NRP2: variants seen among roughly 807,000 people sequenced by gnomAD.
The protein encoded by NRP2 is neuropilin 2.
Under a neutral mutation model 110.4 loss-of-function variants are expected in NRP2, and 52 were observed. The ratio of observed to expected loss-of-function variants is 0.47; its 90% CI spans 0.38 to 0.59. The LOEUF is 0.59. NRP2 is among the 20% of genes least tolerant of loss of function. The pLI, the probability that NRP2 is intolerant of heterozygous loss-of-function variation, is 0.00. For missense variants in NRP2, 1,049 were observed against 1,203.0 expected, an observed-to-expected ratio of 0.87 and a Z score of 1.89; for synonymous variants, 508 against 468.9, an observed-to-expected ratio of 1.08 and a Z score of -1.08.
intron 1 of NRP2, among the ~76,000 whole-genome samples, chr2:205,692,552 C>T (rs772832536): frequency 1.3e-5 from 2 of 152,162 alleles, no homozygotes; most frequent in Non-Finnish European, 2.9e-5. Flanking sequence ...CTGTTGTTGA[C>T]ATGCTCACAC....
In NRP2 at chr2:205,727,941, G is replaced by T; in HGVS notation, c.1041G>T (p.Ala347=). The change falls in exon 7 of 17, where the codon GCG becomes GCT. Residue 347 remains alanine, a synonymous_variant. Coordinates refer to ENST00000357785, the MANE Select transcript of NRP2 (RefSeq NM_003872.3). ...TMLTAIATQG[A]ISRETQNGYY... is the part of the protein sequence containing the mutation. ...TCACGGCCATCGCAACACAGGGAGC[G>T]ATTTCCAGGGAAACACAGAATGGCT... The T allele has an allele frequency of 1.2e-6, 2 of 1,614,102 alleles. No homozygotes were observed. The highest frequency in any genetic ancestry group is 1.1e-5 in the South Asian group (1 of 91,046).
At position 205,697,028 on chromosome 2, in the gene NRP2, T is replaced by C. The variant is rs75221651; in HGVS notation, c.74-516T>C. On this transcript the variant is annotated intron_variant, in intron 1 of 16. Transcript: ENST00000357785. Reference sequence around the variant, plus strand: ...GAAAGTGCTTCCTCTGCACCACATGTAATTGTTACCAGGCTCGCTTGTGGG... The same window carrying C: ...GAAAGTGCTTCCTCTGCACCACATGCAATTGTTACCAGGCTCGCTTGTGGG... 1.0e-3 allele frequency among the ~76,000 whole-genome samples: 157 copies of C among 152,300 alleles called. 2 individuals are homozygous for C. The East Asian group carries it at 0.028, about 27-fold the overall frequency.
At chr2:205,774,430 G>A (rs1458866763) in intron 15 of NRP2, among the ~76,000 whole-genome samples, 1 of 152,122 alleles carries the variant, frequency 6.6e-6, no homozygotes, top group Non-Finnish European at 1.5e-5. Flanking sequence ...GGACATTCAG[G>A]GGATCCTGGG....
At position 205,794,890 on chromosome 2, in the gene NRP2, C is replaced by A. The variant is rs780371148; in HGVS notation, c.2613C>A (p.Gly871=). The change falls in exon 17 of 17, where the codon GGC becomes GGA. Residue 871 remains glycine (G), a synonymous_variant. Transcript: ENST00000357785. ...CCATCATCGCCATGAGCTCACTGGG[C>A]GTCCTCCTGGGGGCCACCTGTGCAG... The part of the protein sequence containing the change: ...LITIIAMSSL[G]VLLGATCAGL... 14 of 1,614,042 alleles carry A rather than the reference C, an allele frequency of 8.7e-6. No homozygotes were observed. The highest frequency in any genetic ancestry group is 1.2e-5 in the Non-Finnish European group (14 of 1,180,022).
chr2:205,759,915 T>C (rs1369824834), intron 12 of NRP2, among the ~76,000 whole-genome samples: 2 of 152,192 alleles, frequency 1.3e-5, no homozygotes, highest in Non-Finnish European at 2.9e-5. Context: ...AAGACTGTCT[T>C]TGTATCCATT....
chr2:205,745,995 G>T, intron 10 of NRP2, 105 bp downstream of exon 10: 16 of 1,290,648 alleles, frequency 1.2e-5, no homozygotes, highest in Non-Finnish European at 1.8e-5. Context: ...CATCCCAGGA[G>T]CTGGAAATGC....
rs111632855 is a variant in NRP2 at position 205,741,949 on chromosome 2, C to A, written c.1292-1254C>A. 2.9e-3 allele frequency among the ~76,000 whole-genome samples: 439 copies of A among 152,318 alleles called. 5 individuals are homozygous for A. Among genetic ancestry groups the A allele is most frequent in the African/African-American group, 1.0e-2 (415 of 41,556 alleles). ...GAGGTGACAGAGCCAGGATCTGAAC[C>A]CACGTTTTCTCAATTCAAATTCTCT... On this transcript the variant is annotated intron_variant, in intron 8 of 16. Coordinates refer to ENST00000357785, the MANE Select transcript of NRP2 (RefSeq NM_003872.3).
Position 205,716,339 on chromosome 2 carries a change from C to G in NRP2, c.398C>G (p.Ala133Gly). 1 of 1,614,112 alleles carries G rather than the reference C, an allele frequency of 6.2e-7. No homozygotes were observed. The highest frequency in any genetic ancestry group is 1.3e-5 in the African/African-American group (1 of 75,026). Residue 133 changes from alanine to glycine, a missense_variant, in exon 3 of 17, where the codon GCA (alanine) becomes GGA (glycine). Physicochemically the swap from Ala to Gly is moderately conservative, Grantham distance 60. Coordinates refer to ENST00000357785, the MANE Select transcript of NRP2 (RefSeq NM_003872.3). Reference sequence around the variant, plus strand: ...ACCTCCGACTACGCCCGGCAGGGGGCAGGCTTCTCTCTGCGCTACGAGATC... The same window carrying G: ...ACCTCCGACTACGCCCGGCAGGGGGGAGGCTTCTCTCTGCGCTACGAGATC... ...KFTSDYARQGAGFSLRYEIFK... is the reference protein window; with the variant it reads ...KFTSDYARQGGGFSLRYEIFK...
chr2:205,735,948 C>A (rs551098384), intron 7 of NRP2, among the ~76,000 whole-genome samples: 1 of 152,302 alleles, frequency 6.6e-6, no homozygotes, highest in African/African-American at 2.4e-5. Flanking sequence ...ATAATTACAA[C>A]ATAATCAACA....
intron 3 of NRP2, among the ~76,000 whole-genome samples, chr2:205,717,116 C>A (rs544494817): frequency 1.4e-5 from 2 of 146,864 alleles, no homozygotes; most frequent in South Asian, 2.1e-4. Flanking sequence ...ATTCACAAGA[C>A]CCCGCTTCAT....
At chr2:205,775,366 G>T (rs548540310) in intron 15 of NRP2, among the ~76,000 whole-genome samples, 1 of 152,182 alleles carries the variant, frequency 6.6e-6, no homozygotes, top group Non-Finnish European at 1.5e-5. Flanking sequence ...GCAGCGGCCA[G>T]TGAACGTGGT....
intron 1 of NRP2, among the ~76,000 whole-genome samples, chr2:205,684,623 T>A (rs1267530546): frequency 6.6e-6 from 1 of 152,110 alleles, no homozygotes; most frequent in Non-Finnish European, 1.5e-5. Flanking sequence ...GGAAGAAAAT[T>A]CAGGAATGCC....
chr2:205,787,313 G>A (rs932836179), intron 15 of NRP2, among the ~76,000 whole-genome samples: 40 of 152,248 alleles, frequency 2.6e-4, no homozygotes, highest in Non-Finnish European at 7.4e-5. Flanking sequence ...TGTCTCTGCT[G>A]TACACTCCAG....
At chr2:205,711,238 C>T (rs767254153) in intron 2 of NRP2, among the ~76,000 whole-genome samples, 47 of 152,242 alleles carry the variant, frequency 3.1e-4, no homozygotes, top group Non-Finnish European at 5.4e-4. Context: ...ATGCCAGGCA[C>T]CAGGGAAGTG....
At chr2:205,751,881 G>A (rs547485182) in intron 11 of NRP2, among the ~76,000 whole-genome samples, 17 of 152,288 alleles carry the variant, frequency 1.1e-4, no homozygotes, top group African/African-American at 4.1e-4. Context: ...CGCAGGCACT[G>A]CCGGCAAACA....
intron 3 of NRP2, among the ~76,000 whole-genome samples, chr2:205,718,960 A>C: frequency 6.8e-6 from 1 of 146,414 alleles, no homozygotes; most frequent in African/African-American, 2.5e-5. Context: ...AAAAAAAGTC[A>C]ACCTTGTATA....
rs1325921272 is a variant in NRP2 at position 205,686,375 on chromosome 2, C to T, written c.73+3012C>T. The stretch of plus-strand genomic sequence containing the variant: ...CCGGCGAGTTCCCGCCTCCCCTCCC[C>T]AGCCGCCTCGCTCTTTGCTTTTCCA... On this transcript the variant is annotated intron_variant, in intron 1 of 16. Transcript: ENST00000357785. The surrounding 1 kb of genome is among the most constrained non-coding windows in gnomAD (Gnocchi z 4.7). Among the ~76,000 whole-genome samples, 1 of 152,116 alleles carries T rather than the reference C, an allele frequency of 6.6e-6. No individual in the cohort carries two copies. The highest frequency in any genetic ancestry group is 1.5e-5 in the Non-Finnish European group (1 of 68,010).
At chr2:205,721,444 G>C (rs1320991572) in intron 3 of NRP2, among the ~76,000 whole-genome samples, 6 of 152,122 alleles carry the variant, frequency 3.9e-5, no homozygotes, top group Admixed American at 3.3e-4. Flanking sequence ...CTCGTGCTTC[G>C]TGGGTCCATG....
At chr2:205,755,137 A>G (rs1333760353) in intron 12 of NRP2, among the ~76,000 whole-genome samples, 1 of 151,988 alleles carries the variant, frequency 6.6e-6, no homozygotes, top group Non-Finnish European at 1.5e-5. Flanking sequence ...CCTGGCCTTC[A>G]CCCGAAAGCC....
Sources: allele counts gnomAD v4.1 joint callset (sites outside exome capture counted in the v4.1 genomes callset), GRCh38; gene constraint gnomAD v4.1.1; non-coding constraint Gnocchi (gnomAD v3.1); transcripts MANE v1.5; gene names NCBI Gene and HGNC (gene_info 2026-07-23, HGNC 2026-07-21).